The following NCLN variants were observed in gnomAD, a reference collection of about 807,000 sequenced individuals.
The protein encoded by NCLN is BOS complex subunit NCLN.
Under a neutral mutation model 69.5 loss-of-function variants are expected in NCLN, and 34 were observed. The ratio of observed to expected loss-of-function variants is 0.49; its 90% CI spans 0.37 to 0.65. The LOEUF (loss-of-function observed/expected upper bound fraction) is 0.65, where lower values mean the gene tolerates loss of function less well. Ranked by LOEUF, NCLN falls within the 30% of genes least tolerant of loss-of-function variation. NCLN has a pLI of 0.00. For missense variants in NCLN, 710 were observed against 804.8 expected, an observed-to-expected ratio of 0.88 and a Z score of 1.42; for synonymous variants, 393 against 358.3, an observed-to-expected ratio of 1.10 and a Z score of -1.09.
chr19:3,208,770 GT>G lies in NCLN; in HGVS notation c.*1085del, dbSNP rs1916352122. The G allele has an allele frequency of 6.6e-6, 1 of 152,420 alleles. No homozygotes were observed. The highest frequency in any genetic ancestry group is 2.4e-5 in the African/African-American group (1 of 41,460). The allele number at this position is 152,420 out of a possible 1,614,324, so 9.4% of individuals were successfully genotyped here. A position where few individuals can be genotyped will look rare whatever the true frequency, so the allele number is the denominator to read the frequency against. On this transcript the variant is annotated 3_prime_UTR_variant, in exon 15 of 15. Coordinates refer to ENST00000246117, the MANE Select transcript of NCLN (RefSeq NM_020170.4). ...CGGGGTGGGGGCGTCAGGTGAGAACGTTTGCTGGGAAGGAGAGGACTTGGGG... is the reference window on the plus strand; with the variant it reads ...CGGGGTGGGGGCGTCAGGTGAGAACGTTGCTGGGAAGGAGAGGACTTGGGG...
At chr19:3,200,346 C>T (rs752185752) in intron 5 of NCLN, among the ~76,000 whole-genome samples, 15 of 135,408 alleles carry the variant, frequency 1.1e-4, no homozygotes, top group Non-Finnish European at 1.8e-4. Context: ...GAGTCTCGCT[C>T]TGTCACCAGG....
In NCLN at chr19:3,199,902, A is replaced by G. The variant is rs1157364302; in HGVS notation, c.696+1005A>G. ...TTTTTAGTAGAGACGGGGTTTCACC[A>G]CGTTAGCCAGGATGGTCTCGATCTC... On this transcript the variant is annotated intron_variant, in intron 5 of 14. Coordinates refer to ENST00000246117, the MANE Select transcript of NCLN (RefSeq NM_020170.4). Among the ~76,000 whole-genome samples the G allele has an allele frequency of 3.3e-5, 5 of 151,786 alleles. 1 individual carries two copies. In the South Asian group the frequency reaches 6.3e-4, roughly 19 times the overall value.
chr19:3,207,024 G>A (rs561455222), intron 12 of NCLN, among the ~76,000 whole-genome samples, 174 bp from the exon 13 acceptor site: 1 of 151,996 alleles, frequency 6.6e-6, no homozygotes, highest in South Asian at 2.1e-4. Context: ...GGGTTTCACC[G>A]TGTTGGCCAG....
In NCLN at chr19:3,186,080, G is replaced by C; in HGVS notation, c.50G>C (p.Cys17Ser). The stretch of plus-strand genomic sequence containing the variant: ...CTGGAGAACATGCTGAAGGCGTCTT[G>C]TCTGCCGCTCGGCTTCATCGTCTTC... ...EVLENMLKASCLPLGFIVFLP... is the reference protein window; with the variant it reads ...EVLENMLKASSLPLGFIVFLP... Residue 17 changes from cysteine (C) to serine (S), a missense_variant, in exon 1 of 15, where the codon TGT becomes TCT. Coordinates refer to ENST00000246117, the MANE Select transcript of NCLN (RefSeq NM_020170.4). The C allele has an allele frequency of 6.3e-7, 1 of 1,599,498 alleles. No individual in the cohort carries two copies. The highest frequency in any genetic ancestry group is 8.5e-7 in the Non-Finnish European group (1 of 1,174,908).
intron 4 of NCLN, among the ~76,000 whole-genome samples, chr19:3,197,521 A>C (rs758879138): frequency 2.0e-4 from 31 of 152,160 alleles, no homozygotes; most frequent in Non-Finnish European, 3.5e-4. Flanking sequence ...TGCTAACTGC[A>C]ACCTCCGCCT....
chr19:3,192,807 G>T (rs547177410), intron 2 of NCLN, 147 bp downstream of exon 2: 5 of 804,606 alleles, frequency 6.2e-6, no homozygotes, highest in South Asian at 4.1e-5. Flanking sequence ...TGATCTCCAA[G>T]GGGTGATTCT....
chr19:3,192,498 G>T lies in NCLN; in HGVS notation c.213G>T (p.Glu71Asp). The change falls in exon 2 of 15, where the codon GAG (glutamate) becomes GAT (aspartate). Residue 71 changes from glutamate to aspartate, a missense_variant. Coordinates refer to ENST00000246117, the MANE Select transcript of NCLN (RefSeq NM_020170.4). ...CACGGAATGCAGTGCTGAACACGGAGGCGCGCACGATGGCGGCGGAGGTGC... is the reference window on the plus strand; with the variant it reads ...CACGGAATGCAGTGCTGAACACGGATGCGCGCACGATGGCGGCGGAGGTGC... Reference protein sequence around the residue: ...YGTRNAVLNTEARTMAAEVLS... With the variant: ...YGTRNAVLNTDARTMAAEVLS... 1 of 1,607,406 alleles carries T rather than the reference G, an allele frequency of 6.2e-7. No homozygotes were observed. Among genetic ancestry groups the T allele is most frequent in the South Asian group, 1.1e-5 (1 of 90,394 alleles).
At chr19:3,191,431 A>G (rs1915823869) in intron 1 of NCLN, among the ~76,000 whole-genome samples, 1 of 152,128 alleles carries the variant, frequency 6.6e-6, no homozygotes, top group Non-Finnish European at 1.5e-5. Context: ...CCCCAGAGAC[A>G]CCATAGCCCA....
At chr19:3,206,556 G>A in intron 12 of NCLN, 131 bp downstream of exon 12, 1 of 1,213,534 alleles carries the variant, frequency 8.2e-7, no homozygotes. Context: ...TGGGATGAGG[G>A]CCGGACACGG....
Position 3,196,287 on chromosome 19 carries a change from G to A in NCLN, c.615+10G>A, listed in dbSNP as rs113297795. 1.2e-3 allele frequency: 1,914 copies of A among 1,532,596 alleles called. 19 individuals carry two copies. The African/African-American group carries it at 0.023, about 18-fold the overall frequency. 94.9% of individuals were successfully genotyped at this position (1,532,596 alleles called of 1,614,324 possible). On this transcript the variant is annotated intron_variant, in intron 4 of 14. Transcript: ENST00000246117. The stretch of plus-strand genomic sequence containing the variant: ...GATTGCCAGCGTGGAGGTGAGTGCC[G>A]CCTGCCCCGGAGCCAGCCCCACGTC...
Position 3,196,356 on chromosome 19 carries a change from A to G in NCLN, c.615+79A>G, listed in dbSNP as rs2144904698. On this transcript the variant is annotated intron_variant, in intron 4 of 14. Transcript: ENST00000246117. ...CCGCCTGGCTCCCCGGCTCGGCCGT[A>G]CTAGAGGGGAGCCGCTGATGGGAAA... 2.8e-6 allele frequency: 3 copies of G among 1,067,392 alleles called. No individual in the cohort carries two copies. In the East Asian group the frequency reaches 8.2e-5, roughly 29 times the overall value. The allele number at this position is 1,067,392 out of a possible 1,614,324, so 66.1% of individuals were successfully genotyped here. A position where few individuals can be genotyped will look rare whatever the true frequency, so the allele number is the denominator to read the frequency against.
Position 3,208,395 on chromosome 19 carries a change from TCCCCGAC to T in NCLN, c.*717_*723del, listed in dbSNP as rs1568317042. On this transcript the variant is annotated 3_prime_UTR_variant, in exon 15 of 15. Coordinates refer to ENST00000246117, the MANE Select transcript of NCLN (RefSeq NM_020170.4). ...GTGGGGGCCTGGCAGGGCCCCTGCC[TCCCCGAC>T]CCCCGACCCACTGCAAATCCCCGTT... 6.6e-6 allele frequency: 1 copy of T among 152,268 alleles called. No individual in the cohort carries two copies. Among genetic ancestry groups the T allele is most frequent in the African/African-American group, 2.4e-5 (1 of 41,388 alleles). 9.4% of individuals were successfully genotyped at this position (152,268 alleles called of 1,614,324 possible).
At chr19:3,204,245 T>C in intron 8 of NCLN, 101 bp downstream of exon 8, 1 of 1,344,544 alleles carries the variant, frequency 7.4e-7, no homozygotes, top group Non-Finnish European at 9.8e-7. Flanking sequence ...TGTCCGCCCC[T>C]CAGGCTCTGA....
At chr19:3,196,798 G>A (rs1054204341) in intron 4 of NCLN, among the ~76,000 whole-genome samples, 1 of 152,260 alleles carries the variant, frequency 6.6e-6, no homozygotes, top group Non-Finnish European at 1.5e-5. Context: ...TGTCGCTGCT[G>A]CTGCAGCACT....
At chr19:3,207,110 C>T (rs1916290176) in intron 12 of NCLN, 88 bp from the exon 13 acceptor site, 17 of 1,443,004 alleles carry the variant, frequency 1.2e-5, no homozygotes, top group Non-Finnish European at 1.5e-5. Flanking sequence ...AGGTGTGAGC[C>T]ATCGTGCCCA....
At chr19:3,195,239 C>CTTTTT (rs1048367446) in intron 3 of NCLN, among the ~76,000 whole-genome samples, 2 of 149,978 alleles carry the variant, frequency 1.3e-5, no homozygotes, top group Admixed American at 6.7e-5. Flanking sequence ...GTGATCATAT[C>CTTTTT]TTTTTGTTTT....
In NCLN at chr19:3,192,579, G is replaced by T; in HGVS notation, c.294G>T (p.Gln98His). The T allele has an allele frequency of 6.2e-7, 1 of 1,608,764 alleles. No individual in the cohort carries two copies. Among genetic ancestry groups the T allele is most frequent in the Non-Finnish European group, 8.5e-7 (1 of 1,177,702 alleles). The change falls in exon 2 of 15, where the codon CAG (glutamine) becomes CAT (histidine). Residue 98 changes from glutamine to histidine, a missense_variant. By Grantham distance (24) the Gln-to-His change is conservative. Coordinates refer to ENST00000246117, the MANE Select transcript of NCLN (RefSeq NM_020170.4). ...RLLDFSYEQY[Q>H]KALRQSAGAV... is the part of the protein sequence containing the mutation. ...TGGACTTCTCCTACGAGCAGTACCA[G>T]AAGGCCCTGCGGCAGTCGGCGGGCG...
rs1483821918 is a variant in NCLN, at chr19:3,205,063, C to G, written c.1208+312C>G. 6.6e-6 allele frequency among the ~76,000 whole-genome samples: 1 copy of G among 152,166 alleles called. No homozygotes were observed. Among genetic ancestry groups the G allele is most frequent in the Non-Finnish European group, 1.5e-5 (1 of 68,018 alleles). Reference sequence around the variant, plus strand: ...GCCTCTTCAGGGCCCTGCCACAGCCCGAAAGTCCTGCCTGGCCCCGGCCAC... The same window carrying G: ...GCCTCTTCAGGGCCCTGCCACAGCCGGAAAGTCCTGCCTGGCCCCGGCCAC... On this transcript the variant is annotated intron_variant, in intron 9 of 14. Coordinates refer to ENST00000246117, the MANE Select transcript of NCLN (RefSeq NM_020170.4). The surrounding 1 kb of genome is among the most constrained non-coding windows in gnomAD (Gnocchi z 4.6).
Position 3,186,144 on chromosome 19 carries a change from T to G in NCLN, c.114T>G (p.Pro38=), listed in dbSNP as rs891528143. 6.3e-7 allele frequency: 1 copy of G among 1,596,612 alleles called. No individual in the cohort carries two copies. Among genetic ancestry groups the G allele is most frequent in the South Asian group, 1.1e-5 (1 of 89,404 alleles). Residue 38 remains proline (P), a synonymous_variant, in exon 1 of 15, where the codon CCT becomes CCG. Transcript: ENST00000246117. ...TGCTGCTGGTGGCGCCGCCGCTGCC[T>G]GCCGCCGACGCCGCGCACGAGTTCA... ...AVLLLVAPPL[P]AADAAHEFTV...
Sources: allele counts gnomAD v4.1 joint callset (sites outside exome capture counted in the v4.1 genomes callset), GRCh38; gene constraint gnomAD v4.1.1; non-coding constraint Gnocchi (gnomAD v3.1); transcripts MANE v1.5; gene names NCBI Gene and HGNC (gene_info 2026-07-23, HGNC 2026-07-21).